ROBO1: variants seen among roughly 807,000 people sequenced by gnomAD.
ROBO1 encodes the protein roundabout guidance receptor 1.
ROBO1 carries 149 observed loss-of-function variants against 195.9 expected under a neutral mutation model. That is an observed-to-expected ratio of 0.76 (90% confidence interval 0.67 to 0.87). The LOEUF (loss-of-function observed/expected upper bound fraction) is 0.87. Among genes scored for constraint, ROBO1 ranks in the 40% least tolerant of loss-of-function variants. The pLI, the probability that ROBO1 is intolerant of heterozygous loss-of-function variation, is 0.00. For synonymous variants in ROBO1, 816 were observed against 733.2 expected (o/e 1.11, Z -1.82); for missense variants, 1,933 against 2,068.3 (o/e 0.93, Z 1.27).
chr3:78,598,896 A>C lies in ROBO1; in HGVS notation c.*17T>G. The C allele has an allele frequency of 6.4e-7, 1 of 1,551,110 alleles. No homozygotes were observed. On this transcript the variant is annotated 3_prime_UTR_variant, in exon 31 of 31. Transcript: ENST00000464233. ...TGATGATTTTCACATTAGATCTCAT[A>C]AGCCTCTTGGTTGTCTTCAGCTTTC...
Position 79,707,407 on chromosome 3 carries a change from C to T in ROBO1, c.-51+60345G>A, listed in dbSNP as rs71324681. 1.1e-3 allele frequency among the ~76,000 whole-genome samples: 167 copies of T among 152,156 alleles called. 2 individuals carry two copies. Among genetic ancestry groups the T allele is most frequent in the Non-Finnish European group, 1.9e-3 (128 of 68,000 alleles). ...TTTTTTTCTTAGTAGCGTAGCTATA[C>T]GTTTATAAATTTTATTAATATTTTC... On this transcript the variant is annotated intron_variant, in intron 1 of 30. Coordinates refer to ENST00000464233, the MANE Select transcript of ROBO1 (RefSeq NM_002941.4).
At chr3:78,830,048 C>A (rs1453325426) in intron 4 of ROBO1, among the ~76,000 whole-genome samples, 3 of 152,008 alleles carry the variant, frequency 2.0e-5, no homozygotes, top group Admixed American at 2.0e-4. Context: ...TGACACAAAT[C>A]CAAGTGTGGA....
intron 2 of ROBO1, among the ~76,000 whole-genome samples, chr3:79,429,217 T>C (rs1374267771): frequency 6.6e-6 from 1 of 152,138 alleles, no homozygotes; most frequent in Non-Finnish European, 1.5e-5. Context: ...CCAAGGGCCA[T>C]ACATACACTC....
intron 3 of ROBO1, among the ~76,000 whole-genome samples, chr3:78,965,495 T>C (rs942978158): frequency 2.0e-5 from 3 of 152,162 alleles, no homozygotes; most frequent in Non-Finnish European, 2.9e-5. Flanking sequence ...GAAATGTTCT[T>C]TGGGGGAAAG....
intron 1 of ROBO1, among the ~76,000 whole-genome samples, chr3:79,679,377 A>T (rs1946877876): frequency 6.6e-6 from 1 of 151,942 alleles, no homozygotes; most frequent in African/African-American, 2.4e-5. Context: ...CTACTAATTG[A>T]CATTTAGGTT....
intron 2 of ROBO1, among the ~76,000 whole-genome samples, chr3:79,435,327 C>A (rs1276660499): frequency 2.6e-5 from 4 of 152,106 alleles, no homozygotes; most frequent in Non-Finnish European, 5.9e-5. Flanking sequence ...TTCAAGCGAT[C>A]CTTCCACCTC....
At chr3:79,295,683 G>T (rs917653124) in intron 2 of ROBO1, among the ~76,000 whole-genome samples, 1 of 151,714 alleles carries the variant, frequency 6.6e-6, no homozygotes, top group Admixed American at 6.6e-5. Flanking sequence ...TCCATACCTT[G>T]CTTTAAAAAA....
chr3:78,717,981 A>C, intron 5 of ROBO1, 98 bp from the exon 6 acceptor site: 1 of 1,171,538 alleles, frequency 8.5e-7, no homozygotes. Flanking sequence ...CTAAGCATAT[A>C]AATCAAAGCA....
At chr3:79,191,251 T>C (rs1052636212) in intron 2 of ROBO1, among the ~76,000 whole-genome samples, 20 of 151,464 alleles carry the variant, frequency 1.3e-4, no homozygotes, top group Admixed American at 7.9e-4. Context: ...AAATTTAATA[T>C]GATTTATGCA....
chr3:79,716,865 G>A (rs191878656), intron 1 of ROBO1, among the ~76,000 whole-genome samples: 2 of 151,904 alleles, frequency 1.3e-5, no homozygotes, highest in Admixed American at 1.3e-4. Flanking sequence ...TGTTGATAAG[G>A]GTGAAAAAAT....
chr3:79,286,858 G>A (rs1206202353), intron 2 of ROBO1, among the ~76,000 whole-genome samples: 2 of 151,888 alleles, frequency 1.3e-5, no homozygotes, highest in African/African-American at 4.8e-5. Flanking sequence ...TTAATTACAT[G>A]GTATATTATT....
chr3:78,740,409 A>T (rs2082497210), intron 5 of ROBO1, among the ~76,000 whole-genome samples: 1 of 150,356 alleles, frequency 6.7e-6, no homozygotes, highest in Non-Finnish European at 1.5e-5. Flanking sequence ...TTTATTTAAA[A>T]TTTTTCAGAT....
intron 2 of ROBO1, among the ~76,000 whole-genome samples, chr3:79,434,761 C>A (rs1049806853): frequency 7.9e-5 from 12 of 152,112 alleles, no homozygotes; most frequent in African/African-American, 2.9e-4. Context: ...GACACATGCA[C>A]ACGTATGTTT....
chr3:78,634,866 T>C (rs1364080388), intron 23 of ROBO1, among the ~76,000 whole-genome samples: 1 of 152,214 alleles, frequency 6.6e-6, no homozygotes, highest in Non-Finnish European at 1.5e-5. Context: ...TTTTAAGTTA[T>C]ATTTTTGTCA....
chr3:78,901,235 C>T (rs1218178969), intron 4 of ROBO1, among the ~76,000 whole-genome samples: 1 of 152,090 alleles, frequency 6.6e-6, no homozygotes, highest in African/African-American at 2.4e-5. Flanking sequence ...TTTTATTATG[C>T]CATGACAATC....
intron 3 of ROBO1, among the ~76,000 whole-genome samples, chr3:78,959,617 T>C (rs2041234353): frequency 6.6e-6 from 1 of 152,120 alleles, no homozygotes; most frequent in Admixed American, 6.5e-5. Context: ...GCCTGTGATA[T>C]AAGTATAGTA....
intron 3 of ROBO1, among the ~76,000 whole-genome samples, chr3:79,059,866 G>A (rs1423570601): frequency 1.3e-5 from 2 of 151,962 alleles, no homozygotes; most frequent in African/African-American, 4.8e-5. Context: ...TGAAATCTGG[G>A]CATCCTAAAA....
intron 10 of ROBO1, among the ~76,000 whole-genome samples, chr3:78,684,381 G>A (rs1400807458): frequency 1.3e-5 from 2 of 152,140 alleles, no homozygotes; most frequent in African/African-American, 2.4e-5. Context: ...CTGCTAGTGA[G>A]AGGCTTGTTG....
chr3:79,742,510 C>T (rs1703692071), intron 1 of ROBO1, among the ~76,000 whole-genome samples: 1 of 152,138 alleles, frequency 6.6e-6, no homozygotes, highest in African/African-American at 2.4e-5. Flanking sequence ...CTCTCTCTCT[C>T]CCCACTGCCT....
Sources: allele counts gnomAD v4.1 joint callset (sites outside exome capture counted in the v4.1 genomes callset), GRCh38; gene constraint gnomAD v4.1.1; transcripts MANE v1.5; gene names NCBI Gene and HGNC (gene_info 2026-07-23, HGNC 2026-07-21).